The following CDH13 variants were observed in gnomAD, a reference collection of about 807,000 sequenced individuals.
CDH13 encodes cadherin-13.
A neutral mutation model predicts 63.8 loss-of-function variants in CDH13; 24 were observed. The observed-to-expected ratio is 0.38, with a 90% CI of 0.27 to 0.53. The LOEUF is 0.53. CDH13 is among the 20% of genes least tolerant of loss of function. The probability of loss-of-function intolerance (pLI) is 0.85; values close to 1 mark genes in which losing one functional copy is unlikely to be tolerated. For synonymous variants in CDH13, 503 were observed against 355.3 expected (o/e 1.42, Z -4.67); for missense variants, 1,049 against 903.1 (o/e 1.16, Z -2.07).
intron 2 of CDH13, among the ~76,000 whole-genome samples, chr16:82,910,920 G>A (rs1597194962): frequency 6.6e-6 from 1 of 152,302 alleles, no homozygotes; most frequent in Non-Finnish European, 1.5e-5. Flanking sequence ...TGTGTGGCCA[G>A]TGAGCAAAGA....
chr16:83,127,988 C>T lies in CDH13; in HGVS notation c.483+2487C>T, dbSNP rs144513051. On this transcript the variant is annotated intron_variant, in intron 4 of 13. Transcript: ENST00000567109. ...ACAGGTTTCCTGGGAGCCCAAGATG[C>T]CAGATGCCAAGGGACCTGACTCCCC... 2.4e-3 allele frequency among the ~76,000 whole-genome samples: 363 copies of T among 152,268 alleles called. 6 individuals are homozygous for T. Among genetic ancestry groups the T allele is most frequent in the African/African-American group, 8.4e-3 (349 of 41,568 alleles).
At chr16:83,160,760 G>C (rs538729960) in intron 4 of CDH13, among the ~76,000 whole-genome samples, 1 of 152,308 alleles carries the variant, frequency 6.6e-6, no homozygotes, top group South Asian at 2.1e-4. Context: ...GCTCAGAGAT[G>C]CTCGGAAACC....
At chr16:83,412,478 A>C (rs2092142215) in intron 6 of CDH13, among the ~76,000 whole-genome samples, 1 of 152,140 alleles carries the variant, frequency 6.6e-6, no homozygotes, top group Non-Finnish European at 1.5e-5. Flanking sequence ...TAAAAATAAA[A>C]ATGAATAAAT....
At chr16:83,101,308 GTGTAT>G (rs938991528) in intron 3 of CDH13, among the ~76,000 whole-genome samples, 17 of 149,840 alleles carry the variant, frequency 1.1e-4, no homozygotes, top group South Asian at 6.3e-4. Context: ...ATTATATATA[GTGTAT>G]TGTATACATG....
intron 8 of CDH13, among the ~76,000 whole-genome samples, chr16:83,632,562 G>A (rs1299922057): frequency 6.6e-6 from 1 of 151,554 alleles, no homozygotes; most frequent in Admixed American, 6.6e-5. Flanking sequence ...ATGCACCCAG[G>A]TTACAGCAGG....
At chr16:83,695,350 T>C (rs1334031809) in intron 10 of CDH13, among the ~76,000 whole-genome samples, 2 of 152,268 alleles carry the variant, frequency 1.3e-5, no homozygotes, top group African/African-American at 2.4e-5. Context: ...CCTTTTCCTC[T>C]TTGGGCCCAT....
chr16:83,020,659 A>C (rs938676795), intron 2 of CDH13, among the ~76,000 whole-genome samples: 4 of 152,194 alleles, frequency 2.6e-5, no homozygotes, highest in Non-Finnish European at 4.4e-5. Flanking sequence ...CTATGGATCC[A>C]TGGGGCTGGC....
At chr16:83,553,064 G>A (rs2075537708) in intron 7 of CDH13, among the ~76,000 whole-genome samples, 2 of 137,122 alleles carry the variant, frequency 1.5e-5, no homozygotes, top group Non-Finnish European at 3.1e-5. Flanking sequence ...GGGCGACAGA[G>A]TGAGACTCCA....
At chr16:82,785,580 C>T (rs1337233647) in intron 1 of CDH13, among the ~76,000 whole-genome samples, 1 of 152,206 alleles carries the variant, frequency 6.6e-6, no homozygotes, top group Non-Finnish European at 1.5e-5. Context: ...ATTTTAATAA[C>T]ATATACCATC....
chr16:83,771,700 G>T (rs1914772477), intron 11 of CDH13, among the ~76,000 whole-genome samples: 1 of 152,204 alleles, frequency 6.6e-6, no homozygotes, highest in Non-Finnish European at 1.5e-5. Flanking sequence ...TTTGTAGGTT[G>T]GAGATCTCTC....
chr16:83,091,448 C>A (rs2033905655), intron 3 of CDH13, among the ~76,000 whole-genome samples: 1 of 152,118 alleles, frequency 6.6e-6, no homozygotes, highest in South Asian at 2.1e-4. Context: ...AGGATGACTC[C>A]CTAAATACAT....
chr16:82,719,317 A>T, intron 1 of CDH13: 1 of 454,606 alleles, frequency 2.2e-6, no homozygotes. Flanking sequence ...CACTGTTACT[A>T]AAGACTTAAA....
At chr16:82,678,861 C>T (rs1232529353) in intron 1 of CDH13, among the ~76,000 whole-genome samples, 1 of 152,186 alleles carries the variant, frequency 6.6e-6, no homozygotes, top group African/African-American at 2.4e-5. Flanking sequence ...ACAACTCTTT[C>T]ATCATCCCTG....
intron 5 of CDH13, among the ~76,000 whole-genome samples, chr16:83,244,211 G>C (rs944456002): frequency 3.3e-5 from 5 of 151,932 alleles, no homozygotes; most frequent in African/African-American, 1.2e-4. Flanking sequence ...TTTTAGACTT[G>C]TGAGCTCCAA....
chr16:83,064,796 G>T (rs2031861339), intron 3 of CDH13, among the ~76,000 whole-genome samples: 1 of 152,066 alleles, frequency 6.6e-6, no homozygotes, highest in African/African-American at 2.4e-5. Context: ...TGTATAAAAT[G>T]GTATAATTAA....
At chr16:83,732,401 T>G (rs1014248047) in intron 10 of CDH13, among the ~76,000 whole-genome samples, 2 of 152,114 alleles carry the variant, frequency 1.3e-5, no homozygotes, top group Non-Finnish European at 2.9e-5. Context: ...AGCTTTGGAC[T>G]GGGGAACAGG....
chr16:83,047,974 CA>C lies in CDH13; in HGVS notation c.366+15763del, dbSNP rs1158053379. On this transcript the variant is annotated intron_variant, in intron 3 of 13. Transcript: ENST00000567109. This position sits in a 1 kb window ranked among gnomAD's most constrained non-coding sequence, Gnocchi z 4.9. ...GACATATTTTTGCACTCAGACTCCT[CA>C]AAAAAACATTTAACAAAATATGTTA... 1.3e-5 allele frequency among the ~76,000 whole-genome samples: 2 copies of C among 151,650 alleles called. No homozygotes were observed. The highest frequency in any genetic ancestry group is 4.8e-5 in the African/African-American group (2 of 41,256).
chr16:83,587,030 G>A (rs1294565867), intron 7 of CDH13, among the ~76,000 whole-genome samples: 1 of 152,162 alleles, frequency 6.6e-6, no homozygotes, highest in African/African-American at 2.4e-5. Flanking sequence ...TACTCTCTCC[G>A]TGGGCTCCTT....
At chr16:83,253,769 A>T (rs2151827967) in intron 5 of CDH13, among the ~76,000 whole-genome samples, 1 of 152,254 alleles carries the variant, frequency 6.6e-6, no homozygotes, top group East Asian at 1.9e-4. Context: ...CATTATTTTC[A>T]CTTAGATTTG....
Sources: allele counts gnomAD v4.1 joint callset (sites outside exome capture counted in the v4.1 genomes callset), GRCh38; gene constraint gnomAD v4.1.1; non-coding constraint Gnocchi (gnomAD v3.1); transcripts MANE v1.5; gene names NCBI Gene and HGNC (gene_info 2026-07-23, HGNC 2026-07-21).